Variants in HSD17B12 observed in about 807,000 individuals in gnomAD.
HSD17B12 encodes the protein hydroxysteroid 17-beta dehydrogenase 12, also known as very-long-chain 3-oxoacyl-CoA reductase.
A neutral mutation model predicts 39.3 loss-of-function variants in HSD17B12; 32 were observed. That is an observed-to-expected ratio of 0.81 (90% CI 0.61 to 1.09). The LOEUF (loss-of-function observed/expected upper bound fraction) is 1.09, where lower values mean the gene tolerates loss of function less well. Ranked by LOEUF, HSD17B12 falls within the 50% of genes least tolerant of loss-of-function variation. HSD17B12 has a pLI of 0.00. For missense variants in HSD17B12, 342 were observed against 382.9 expected (o/e 0.89, Z 0.89); for synonymous variants, 150 against 146.7 (o/e 1.02, Z -0.16).
chr11:43,742,898 A>C (rs1318363543), intron 1 of HSD17B12, among the ~76,000 whole-genome samples: 6 of 152,202 alleles, frequency 3.9e-5, no homozygotes, highest in Non-Finnish European at 8.8e-5. Flanking sequence ...AAAATGGAAA[A>C]ATGATATTTT....
At chr11:43,798,191 G>T in intron 3 of HSD17B12, 129 bp from the exon 4 acceptor site, 1 of 623,674 alleles carries the variant, frequency 1.6e-6, no homozygotes, top group South Asian at 1.7e-5. Context: ...AAATTATCCT[G>T]GTGTAAATTT....
intron 1 of HSD17B12, among the ~76,000 whole-genome samples, chr11:43,720,163 A>G (rs765564665): frequency 2.6e-5 from 4 of 152,186 alleles, no homozygotes; most frequent in African/African-American, 7.2e-5. Flanking sequence ...TAAATTTCAG[A>G]TCTTTCGCCA....
At chr11:43,728,019 C>T (rs1950236114) in intron 1 of HSD17B12, among the ~76,000 whole-genome samples, 1 of 151,964 alleles carries the variant, frequency 6.6e-6, no homozygotes, top group South Asian at 2.1e-4. Context: ...TGGCAGTAAC[C>T]ACATGGGGGC....
intron 3 of HSD17B12, among the ~76,000 whole-genome samples, chr11:43,777,375 A>G (rs1244443129): frequency 1.3e-5 from 2 of 152,268 alleles, no homozygotes; most frequent in East Asian, 3.9e-4. Context: ...GCAATTGTGA[A>G]TGGGAGTTCA....
chr11:43,656,316 G>A, the HSD17B12 span, among the ~76,000 whole-genome samples: 8 of 151,818 alleles, frequency 5.3e-5, no homozygotes, highest in East Asian at 3.9e-4. Flanking sequence ...TCTTGCTAGC[G>A]GTCTATCAAT....
At chr11:43,638,643 T>C in the HSD17B12 span, among the ~76,000 whole-genome samples, 1 of 152,202 alleles carries the variant, frequency 6.6e-6, no homozygotes, top group Admixed American at 6.5e-5. Flanking sequence ...TCTATTTGCA[T>C]CTAGTGTTGA....
At chr11:43,558,725 A>G in the HSD17B12 span, among the ~76,000 whole-genome samples, 1 of 151,966 alleles carries the variant, frequency 6.6e-6, no homozygotes, top group Non-Finnish European at 1.5e-5. Flanking sequence ...TGAAGGAGTA[A>G]GGTAGTGGCT....
chr11:43,693,850 C>T (rs1377321531), intron 1 of HSD17B12, among the ~76,000 whole-genome samples: 1 of 152,188 alleles, frequency 6.6e-6, no homozygotes, highest in African/African-American at 2.4e-5. Context: ...AGACTCTAGT[C>T]CTGTAGAAGC....
chr11:43,626,808 AT>A, the HSD17B12 span, among the ~76,000 whole-genome samples: 1 of 151,994 alleles, frequency 6.6e-6, no homozygotes, highest in Non-Finnish European at 1.5e-5. Context: ...AATGTTATGC[AT>A]TTTATGGGTT....
chr11:43,662,647 T>G, the HSD17B12 span, among the ~76,000 whole-genome samples: 3 of 152,192 alleles, frequency 2.0e-5, no homozygotes, highest in South Asian at 2.1e-4. Flanking sequence ...TAACATGGAT[T>G]TAAATTTAAG....
At chr11:43,632,097 G>A in the HSD17B12 span, among the ~76,000 whole-genome samples, 3 of 152,132 alleles carry the variant, frequency 2.0e-5, no homozygotes, top group African/African-American at 7.2e-5. Context: ...CTTCGTTTGG[G>A]TCGTTATTCT....
chr11:43,647,473 T>C, the HSD17B12 span, among the ~76,000 whole-genome samples: 1 of 150,874 alleles, frequency 6.6e-6, no homozygotes, highest in African/African-American at 2.4e-5. Context: ...AGACAGTTTT[T>C]CACTATGTTG....
chr11:43,749,030 A>T (rs2134935739), intron 1 of HSD17B12, among the ~76,000 whole-genome samples: 1 of 152,320 alleles, frequency 6.6e-6, no homozygotes, highest in Middle Eastern at 3.4e-3. Flanking sequence ...CTAATATAAC[A>T]AAACAAAAGA....
At position 43,791,181 on chromosome 11, in the gene HSD17B12, C is replaced by G. The variant is rs190512015; in HGVS notation, c.284-7139C>G. ...TGCATCCCAGGCTCTTCCAGTGAAC[C>G]CTGCTTTCATACTGCTAGCAGTAGC... On this transcript the variant is annotated intron_variant, in intron 3 of 10. Coordinates refer to ENST00000278353, the MANE Select transcript of HSD17B12 (RefSeq NM_016142.3). Among the ~76,000 whole-genome samples the G allele has an allele frequency of 7.2e-5, 11 of 152,264 alleles. No homozygotes were observed. The East Asian group carries it at 2.1e-3, about 29-fold the overall frequency.
At chr11:43,700,888 T>G (rs1440654302) in intron 1 of HSD17B12, among the ~76,000 whole-genome samples, 1 of 152,206 alleles carries the variant, frequency 6.6e-6, no homozygotes, top group East Asian at 1.9e-4. Context: ...AGCTCAATTT[T>G]TAGTTTTCTG....
intron 9 of HSD17B12, 137 bp downstream of exon 9, chr11:43,840,201 G>A: frequency 1.6e-6 from 1 of 619,540 alleles, no homozygotes; most frequent in Non-Finnish European, 2.7e-6. Context: ...TAAAAACGTG[G>A]TTTCTTTTTC....
chr11:43,747,750 C>T (rs565810911), intron 1 of HSD17B12, among the ~76,000 whole-genome samples: 4 of 152,334 alleles, frequency 2.6e-5, no homozygotes, highest in South Asian at 2.1e-4. Context: ...ATGTGCATGA[C>T]GGACTGCCTT....
chr11:43,622,596 A>T, the HSD17B12 span, among the ~76,000 whole-genome samples: 2 of 152,142 alleles, frequency 1.3e-5, no homozygotes, highest in Non-Finnish European at 1.5e-5. Flanking sequence ...ACCAGCTTTT[A>T]TAAAGAAAAG....
the HSD17B12 span, among the ~76,000 whole-genome samples, chr11:43,602,701 G>A: frequency 6.6e-6 from 1 of 152,118 alleles, no homozygotes; most frequent in Non-Finnish European, 1.5e-5. Flanking sequence ...GCCTGGAAAA[G>A]AGGAATAGCT....
Sources: gnomAD v4.1 joint callset for allele counts (sites outside exome capture counted in the v4.1 genomes callset) on GRCh38, gnomAD v4.1.1 for gene constraint, MANE v1.5 for transcripts, NCBI Gene and HGNC (gene_info 2026-07-23, HGNC 2026-07-21) for gene names.